Variants in INPP5A observed in about 807,000 individuals in gnomAD.
The protein encoded by INPP5A is inositol polyphosphate-5-phosphatase A, also known as 43 kDa inositol polyphosphate 5-phophatase.
In INPP5A, 14 loss-of-function variants were observed where a neutral mutation model predicts 65.2. The observed-to-expected ratio is 0.21, with a 90% CI of 0.14 to 0.34. The LOEUF is 0.34. Ranked by LOEUF, INPP5A falls within the 10% of genes least tolerant of loss-of-function variation. The pLI is 1.00. For missense variants in INPP5A, 431 were observed against 545.6 expected (o/e 0.79, Z 2.09); for synonymous variants, 207 against 208.3 (o/e 0.99, Z 0.05).
intron 4 of INPP5A, among the ~76,000 whole-genome samples, chr10:132,667,585 G>A (rs1021482592): frequency 6.6e-6 from 1 of 152,140 alleles, no homozygotes; most frequent in African/African-American, 2.4e-5. Flanking sequence ...CTGTCACCCC[G>A]GACACGATGT....
At chr10:132,755,396 G>A (rs1280199640) in intron 11 of INPP5A, among the ~76,000 whole-genome samples, 3 of 151,928 alleles carry the variant, frequency 2.0e-5, no homozygotes, top group African/African-American at 4.8e-5. Context: ...GAGCAGGTGT[G>A]AGCGAGTGTG....
At chr10:132,579,606 G>A (rs1266240392) in intron 1 of INPP5A, among the ~76,000 whole-genome samples, 2 of 152,166 alleles carry the variant, frequency 1.3e-5, no homozygotes, top group African/African-American at 4.8e-5. Context: ...TGCTTCTGCG[G>A]CTGGCTCCAG....
At chr10:132,614,422 G>A (rs2072002683) in intron 2 of INPP5A, among the ~76,000 whole-genome samples, 1 of 152,188 alleles carries the variant, frequency 6.6e-6, no homozygotes, top group Non-Finnish European at 1.5e-5. Context: ...AGCCGAGATT[G>A]CACCACTGTA....
At chr10:132,564,799 G>A (rs1328842688) in intron 1 of INPP5A, among the ~76,000 whole-genome samples, 1 of 152,166 alleles carries the variant, frequency 6.6e-6, no homozygotes, top group African/African-American at 2.4e-5. Flanking sequence ...ATGAGGTCTG[G>A]GAGTTCTGGT....
In INPP5A at chr10:132,705,710, C is replaced by T. The variant is rs1260008830; in HGVS notation, c.475-2603C>T. ...ACAGGTGAGGGAAGAAGGACCAGCC[C>T]TGGAAGGAGGAAGCTTGGAGCCACC... On this transcript the variant is annotated intron_variant, in intron 6 of 15. Transcript: ENST00000368594. This position sits in a 1 kb window ranked among gnomAD's most constrained non-coding sequence, Gnocchi z 4.9. Among the ~76,000 whole-genome samples the T allele has an allele frequency of 1.3e-5, 2 of 152,210 alleles. No individual in the cohort carries two copies. The highest frequency in any genetic ancestry group is 4.8e-5 in the African/African-American group (2 of 41,440).
intron 4 of INPP5A, among the ~76,000 whole-genome samples, chr10:132,667,223 C>T (rs571663988): frequency 2.0e-5 from 3 of 152,344 alleles, no homozygotes; most frequent in African/African-American, 7.2e-5. Context: ...AAGCCGCAGC[C>T]CCTTTTGGTT....
chr10:132,556,081 C>T (rs1463941207), intron 1 of INPP5A, among the ~76,000 whole-genome samples: 1 of 152,122 alleles, frequency 6.6e-6, no homozygotes, highest in African/African-American at 2.4e-5. Context: ...AGGCATCTGT[C>T]CCAGCCTGTG....
At chr10:132,630,978 G>T (rs1390764840) in intron 2 of INPP5A, among the ~76,000 whole-genome samples, 1 of 152,146 alleles carries the variant, frequency 6.6e-6, no homozygotes, top group Non-Finnish European at 1.5e-5. Flanking sequence ...TATCTCTGGG[G>T]GGAAGGCTGC....
At position 132,643,782 on chromosome 10, in the gene INPP5A, G is replaced by A. The variant is rs117072113; in HGVS notation, c.118-2086G>A. Among the ~76,000 whole-genome samples, 127 of 152,232 alleles carry A rather than the reference G, an allele frequency of 8.3e-4. No homozygotes were observed. In the East Asian group the frequency reaches 0.013, roughly 16 times the overall value. On this transcript the variant is annotated intron_variant, in intron 2 of 15. Transcript: ENST00000368594. Reference sequence around the variant, plus strand: ...CGTCGGTTCCTGTGCCCAGCCCTGCGCCACTATGCCCACAGCATCCATCAC... The same window carrying A: ...CGTCGGTTCCTGTGCCCAGCCCTGCACCACTATGCCCACAGCATCCATCAC...
rs891871378 is a variant in INPP5A at position 132,547,000 on chromosome 10, C to T, written c.75+8829C>T. On this transcript the variant is annotated intron_variant, in intron 1 of 15. Transcript: ENST00000368594. This position sits in a 1 kb window ranked among gnomAD's most constrained non-coding sequence, Gnocchi z 5.7. ...TCTGCGTCCTCCCCTCTCGGGGTCCCGCATGACTGGTCCTCATTCCAGGAA... is the reference window on the plus strand; with the variant it reads ...TCTGCGTCCTCCCCTCTCGGGGTCCTGCATGACTGGTCCTCATTCCAGGAA... Among the ~76,000 whole-genome samples the T allele has an allele frequency of 3.9e-5, 6 of 152,328 alleles. No homozygotes were observed. Among genetic ancestry groups the T allele is most frequent in the South Asian group, 4.1e-4 (2 of 4,824 alleles).
chr10:132,757,143 AT>A (rs748525083), intron 11 of INPP5A, among the ~76,000 whole-genome samples: 4 of 152,230 alleles, frequency 2.6e-5, no homozygotes, highest in Non-Finnish European at 5.9e-5. Context: ...GAGAAAATAC[AT>A]TTCAGTACAT....
intron 12 of INPP5A, among the ~76,000 whole-genome samples, chr10:132,772,516 C>G (rs540894406): frequency 8.1e-6 from 1 of 123,128 alleles, no homozygotes; most frequent in African/African-American, 3.1e-5. Context: ...AGCAGCCACC[C>G]GATGAAGAGT....
chr10:132,739,706 T>G (rs1046589554), intron 9 of INPP5A, among the ~76,000 whole-genome samples: 1 of 151,832 alleles, frequency 6.6e-6, no homozygotes, highest in Non-Finnish European at 1.5e-5. Flanking sequence ...AGGAAAGGAG[T>G]CTGGAGCCTC....
At chr10:132,543,246 A>G (rs559677432) in intron 1 of INPP5A, among the ~76,000 whole-genome samples, 13 of 147,032 alleles carry the variant, frequency 8.8e-5, no homozygotes, top group Admixed American at 4.7e-4. Context: ...CACGTCCCCC[A>G]GCCTCCCCAC....
At position 132,551,418 on chromosome 10, in the gene INPP5A, C is replaced by T. The variant is rs185987120; in HGVS notation, c.75+13247C>T. 1.7e-3 allele frequency among the ~76,000 whole-genome samples: 253 copies of T among 152,266 alleles called. 1 individual carries two copies. Among genetic ancestry groups the T allele is most frequent in the South Asian group, 2.9e-3 (14 of 4,826 alleles). ...GTCCCTCCAGGTGGTCGGGGGACAC[C>T]GGGCTTCTGGGTCAGCAAGTGTTTG... On this transcript the variant is annotated intron_variant, in intron 1 of 15. Coordinates refer to ENST00000368594, the MANE Select transcript of INPP5A (RefSeq NM_005539.5). The surrounding 1 kb of genome is among the most constrained non-coding windows in gnomAD (Gnocchi z 5.3).
At chr10:132,618,313 G>T (rs79746500) in intron 2 of INPP5A, among the ~76,000 whole-genome samples, 3,547 of 152,294 alleles carry the variant, frequency 0.023, 50 homozygotes, top group South Asian at 0.039. Context: ...TGCAAGGCTG[G>T]CACTGTCCAC....
At chr10:132,624,891 C>T (rs1298154185) in intron 2 of INPP5A, among the ~76,000 whole-genome samples, 1 of 152,030 alleles carries the variant, frequency 6.6e-6, no homozygotes, top group East Asian at 1.9e-4. Context: ...GGGCCCACAC[C>T]GTGGCATCTG....
At position 132,549,172 on chromosome 10, in the gene INPP5A, G is replaced by A. The variant is rs140136071; in HGVS notation, c.75+11001G>A. Among the ~76,000 whole-genome samples the A allele has an allele frequency of 2.8e-4, 43 of 152,292 alleles. No individual in the cohort carries two copies. Among genetic ancestry groups the A allele is most frequent in the Non-Finnish European group, 5.0e-4 (34 of 68,026 alleles). On this transcript the variant is annotated intron_variant, in intron 1 of 15. Coordinates refer to ENST00000368594, the MANE Select transcript of INPP5A (RefSeq NM_005539.5). This position sits in a 1 kb window ranked among gnomAD's most constrained non-coding sequence, Gnocchi z 4.9. The stretch of plus-strand genomic sequence containing the variant: ...TTTCTCCAGTCGCCCACAGATGGAC[G>A]TCGGGGCTATCGTGGCTAGTGTACT...
intron 8 of INPP5A, among the ~76,000 whole-genome samples, chr10:132,723,119 C>T (rs1845916366): frequency 6.6e-6 from 1 of 152,226 alleles, no homozygotes; most frequent in Admixed American, 6.5e-5. Context: ...TTTAGGGTTT[C>T]ATGATGATCC....
Sources: allele counts gnomAD v4.1 joint callset (sites outside exome capture counted in the v4.1 genomes callset), GRCh38; gene constraint gnomAD v4.1.1; non-coding constraint Gnocchi (gnomAD v3.1); transcripts MANE v1.5; gene names NCBI Gene and HGNC (gene_info 2026-07-23, HGNC 2026-07-21).